MAPK14: variants seen among roughly 807,000 people sequenced by gnomAD.
MAPK14 encodes mitogen-activated protein kinase 14.
Under a neutral mutation model 49.6 loss-of-function variants are expected in MAPK14, and 16 were observed. That is an observed-to-expected ratio of 0.32 (90% confidence interval 0.22 to 0.49). The LOEUF is 0.49. MAPK14 is among the 20% of genes least tolerant of loss of function. MAPK14 has a pLI of 0.99. For synonymous variants in MAPK14, 142 were observed against 158.0 expected, an observed-to-expected ratio of 0.90 and a Z score of 0.76; for missense variants, 200 against 441.2, an observed-to-expected ratio of 0.45 and a Z score of 4.90.
chr6:36,117,159 G>C, the MAPK14 span, among the ~76,000 whole-genome samples: 2 of 152,138 alleles, frequency 1.3e-5, no homozygotes, highest in Non-Finnish European at 2.9e-5. Context: ...CTAGTTCCAG[G>C]CCCCTTGCCC....
rs779754389 is a variant in MAPK14, at chr6:36,095,937, T to G, written c.683-50T>G. On this transcript the variant is annotated intron_variant, in intron 8 of 11. Coordinates refer to ENST00000229794, the MANE Select transcript of MAPK14 (RefSeq NM_139012.3). ...TTTTTGTTTTGTTTGTCATTGTTTG[T>G]TTTTCATTTTTATTTTGTCCCAACA... 5 of 1,163,186 alleles carry G rather than the reference T, an allele frequency of 4.3e-6. No homozygotes were observed. The Admixed American group carries it at 7.7e-5, about 18-fold the overall frequency. The allele number at this position is 1,163,186 out of a possible 1,614,324, so 72.1% of individuals were successfully genotyped here.
At chr6:36,053,854 A>G (rs1487026913) in intron 2 of MAPK14, among the ~76,000 whole-genome samples, 1 of 152,190 alleles carries the variant, frequency 6.6e-6, no homozygotes, top group Non-Finnish European at 1.5e-5. Context: ...TTAAATTTGT[A>G]ATTGGATTAT....
chr6:36,100,275 C>G, intron 9 of MAPK14: 1 of 1,603,974 alleles, frequency 6.2e-7, no homozygotes. Flanking sequence ...GAGGTGAGAA[C>G]AAAGAGACTG....
Position 36,108,504 on chromosome 6 carries a change from G to T in MAPK14, c.*57G>T. On this transcript the variant is annotated 3_prime_UTR_variant, in exon 12 of 12. Transcript: ENST00000229794. Reference sequence around the variant, plus strand: ...CACTGTGAGGGGAAGGCCTTTTCACGGGAACTCTCCAAATATTATTCAAGT... The same window carrying T: ...CACTGTGAGGGGAAGGCCTTTTCACTGGAACTCTCCAAATATTATTCAAGT... The T allele has an allele frequency of 7.4e-7, 1 of 1,349,850 alleles. No homozygotes were observed. The highest frequency in any genetic ancestry group is 1.2e-5 in the South Asian group (1 of 85,806). The allele number at this position is 1,349,850 out of a possible 1,614,324, so 83.6% of individuals were successfully genotyped here. A position where few individuals can be genotyped will look rare whatever the true frequency, so the allele number is the denominator to read the frequency against.
chr6:36,081,113 G>T (rs867594430), intron 8 of MAPK14, among the ~76,000 whole-genome samples: 13 of 151,968 alleles, frequency 8.6e-5, no homozygotes, highest in African/African-American at 2.7e-4. Context: ...CCTATTTTGT[G>T]GGTTGTCTTT....
At chr6:36,054,241 A>G (rs1395351293) in intron 2 of MAPK14, among the ~76,000 whole-genome samples, 1 of 152,190 alleles carries the variant, frequency 6.6e-6, no homozygotes, top group Non-Finnish European at 1.5e-5. Flanking sequence ...CAGCTTTGCA[A>G]GTATAAAGGA....
chr6:36,031,818 G>A (rs747598567), intron 1 of MAPK14, among the ~76,000 whole-genome samples: 1 of 152,176 alleles, frequency 6.6e-6, no homozygotes, highest in Admixed American at 6.5e-5. Context: ...AAGGCAATCA[G>A]GTTGGTGATA....
chr6:36,071,413 G>T (rs374328690), intron 3 of MAPK14, among the ~76,000 whole-genome samples: 1 of 152,110 alleles, frequency 6.6e-6, no homozygotes, highest in East Asian at 1.9e-4. Flanking sequence ...GTAATGAGTG[G>T]GTTAAGGCAT....
intron 3 of MAPK14, among the ~76,000 whole-genome samples, chr6:36,069,082 C>T (rs1315621466): frequency 6.6e-6 from 1 of 152,196 alleles, no homozygotes; most frequent in Non-Finnish European, 1.5e-5. Context: ...TCAAGTCTAA[C>T]CTTCCTTAAT....
chr6:36,106,118 T>G lies in MAPK14; in HGVS notation c.842-1337T>G, dbSNP rs564498289. ...CCAGTGATCAATTTTAGCTCATTAG[T>G]AGTGGGACAGATGGCCTTAATGCAC... is the stretch of plus-strand genomic sequence containing the variant. On this transcript the variant is annotated intron_variant, in intron 10 of 11. Transcript: ENST00000229794. Among the ~76,000 whole-genome samples the G allele has an allele frequency of 4.6e-5, 7 of 152,334 alleles. No homozygotes were observed. The East Asian group carries it at 1.3e-3, about 29-fold the overall frequency.
the MAPK14 span, among the ~76,000 whole-genome samples, chr6:36,119,890 C>T: frequency 1.3e-5 from 2 of 152,146 alleles, no homozygotes; most frequent in Non-Finnish European, 2.9e-5. Context: ...GGCTGCAAAA[C>T]GATCTATCTG....
chr6:36,072,439 A>G (rs928672475), intron 3 of MAPK14, among the ~76,000 whole-genome samples: 1 of 152,118 alleles, frequency 6.6e-6, no homozygotes. Flanking sequence ...TGGTACAGCT[A>G]CCATTTTAAG....
chr6:36,068,394 C>T (rs1411877632), intron 3 of MAPK14, among the ~76,000 whole-genome samples: 1 of 151,980 alleles, frequency 6.6e-6, no homozygotes, highest in Non-Finnish European at 1.5e-5. Flanking sequence ...AAATAGGGAG[C>T]CTTTTGAGGA....
At chr6:36,034,023 T>C (rs1482521905) in intron 1 of MAPK14, among the ~76,000 whole-genome samples, 1 of 152,168 alleles carries the variant, frequency 6.6e-6, no homozygotes, top group Non-Finnish European at 1.5e-5. Flanking sequence ...CTTTTAGTAG[T>C]CTCCTTTCTG....
chr6:36,047,808 T>A (rs1400434670), intron 1 of MAPK14, among the ~76,000 whole-genome samples: 1 of 151,638 alleles, frequency 6.6e-6, no homozygotes, highest in Non-Finnish European at 1.5e-5. Flanking sequence ...TGATCTCAGC[T>A]CACTGCAACC....
chr6:36,108,572 G>A lies in MAPK14; in HGVS notation c.*125G>A, dbSNP rs202244801. The A allele has an allele frequency of 2.1e-5, 11 of 514,808 alleles. No homozygotes were observed. The highest frequency in any genetic ancestry group is 1.9e-4 in the African/African-American group (10 of 53,298). The allele number at this position is 514,808 out of a possible 1,614,324, so 31.9% of individuals were successfully genotyped here. A position where few individuals can be genotyped will look rare whatever the true frequency, so the allele number is the denominator to read the frequency against. On this transcript the variant is annotated 3_prime_UTR_variant, in exon 12 of 12. Coordinates refer to ENST00000229794, the MANE Select transcript of MAPK14 (RefSeq NM_139012.3). Reference sequence around the variant, plus strand: ...TTTCCTCCATGGTGGAAGGGGGTGTGCGTGCGTGTGCGTGCGTGTTAGTGT... The same window carrying A: ...TTTCCTCCATGGTGGAAGGGGGTGTACGTGCGTGTGCGTGCGTGTTAGTGT...
downstream of MAPK14, among the ~76,000 whole-genome samples, chr6:36,111,492 G>T (rs1765971255): frequency 2.0e-5 from 3 of 152,194 alleles, no homozygotes; most frequent in South Asian, 6.2e-4. Context: ...CAGAGAGAAG[G>T]TTTGGTTTGT....
intron 3 of MAPK14, among the ~76,000 whole-genome samples, chr6:36,070,591 T>C (rs748272871): frequency 1.1e-4 from 16 of 152,230 alleles, no homozygotes; most frequent in Non-Finnish European, 2.2e-4. Flanking sequence ...CATTTACTTA[T>C]TAATTACATT....
rs1562090352 is a variant in MAPK14 at position 36,028,810 on chromosome 6, T to TTTC, written c.116+538_116+540dup. Reference sequence around the variant, plus strand: ...CCGGGCCTTTTTTTTTTTTTTTTTTTTTCAAAACTCTGTCGAAATCCCATC... The same window carrying TTTC: ...CCGGGCCTTTTTTTTTTTTTTTTTTTTTCTTCAAAACTCTGTCGAAATCCCATC... On this transcript the variant is annotated intron_variant, in intron 1 of 11. Coordinates refer to ENST00000229794, the MANE Select transcript of MAPK14 (RefSeq NM_139012.3). This position sits in a 1 kb window ranked among gnomAD's most constrained non-coding sequence, Gnocchi z 5.1. Among the ~76,000 whole-genome samples, 2 of 150,082 alleles carry TTTC rather than the reference T, an allele frequency of 1.3e-5. No individual in the cohort carries two copies. The highest frequency in any genetic ancestry group is 3.0e-5 in the Non-Finnish European group (2 of 67,696).
Sources: allele counts gnomAD v4.1 joint callset (sites outside exome capture counted in the v4.1 genomes callset), GRCh38; gene constraint gnomAD v4.1.1; non-coding constraint Gnocchi (gnomAD v3.1); transcripts MANE v1.5; gene names NCBI Gene and HGNC (gene_info 2026-07-23, HGNC 2026-07-21).